ERC2: variants seen among roughly 807,000 people sequenced by gnomAD.
ERC2 encodes the protein ELKS/RAB6-interacting/CAST family member 2, also known as ERC protein 2.
In ERC2, 42 loss-of-function variants were observed where a neutral mutation model predicts 114.8. The observed-to-expected ratio is 0.37, with a 90% CI of 0.29 to 0.47. The LOEUF (loss-of-function observed/expected upper bound fraction) is 0.47, where lower values mean the gene tolerates loss of function less well. Ranked by LOEUF, ERC2 falls within the 20% of genes least tolerant of loss-of-function variation. The probability of loss-of-function intolerance (pLI) is 0.99; values close to 1 mark genes in which losing one functional copy is unlikely to be tolerated. For missense variants in ERC2, 939 were observed against 1,150.7 expected (o/e 0.82, Z 2.66); for synonymous variants, 454 against 425.5 (o/e 1.07, Z -0.82).
At chr3:56,216,859 T>C (rs1274954780) in intron 3 of ERC2, among the ~76,000 whole-genome samples, 1 of 152,190 alleles carries the variant, frequency 6.6e-6, no homozygotes, top group Non-Finnish European at 1.5e-5. Flanking sequence ...ATAAAAATAA[T>C]CCAGCATATA....
chr3:56,261,137 G>A (rs1006018968), intron 3 of ERC2, among the ~76,000 whole-genome samples: 6 of 152,124 alleles, frequency 3.9e-5, no homozygotes, highest in East Asian at 3.9e-4. Context: ...TGTCTTTAGC[G>A]GGTTCCCAGT....
intron 13 of ERC2, among the ~76,000 whole-genome samples, chr3:55,936,393 T>C (rs1354422458): frequency 6.6e-6 from 1 of 152,222 alleles, no homozygotes; most frequent in African/African-American, 2.4e-5. Flanking sequence ...GGAGGGATGA[T>C]GGACAAAGTG....
intron 17 of ERC2, among the ~76,000 whole-genome samples, chr3:55,576,557 T>A (rs114443066): frequency 0.015 from 2,230 of 152,326 alleles, 41 homozygotes; most frequent in African/African-American, 0.045. Flanking sequence ...GCCCTTAGCA[T>A]ATGTGTGCTG....
intron 15 of ERC2, among the ~76,000 whole-genome samples, chr3:55,725,967 T>C (rs1214266522): frequency 6.6e-6 from 1 of 152,172 alleles, no homozygotes; most frequent in African/African-American, 2.4e-5. Context: ...GCTTGGACAT[T>C]AAGAGGAAAT....
chr3:56,385,907 T>A (rs925930334), intron 2 of ERC2, among the ~76,000 whole-genome samples: 3 of 152,154 alleles, frequency 2.0e-5, no homozygotes, highest in African/African-American at 7.2e-5. Context: ...ATGGCCTGAA[T>A]TGCAGAGTAG....
intron 3 of ERC2, among the ~76,000 whole-genome samples, chr3:56,182,359 CA>C (rs1334929997): frequency 6.6e-6 from 1 of 152,186 alleles, no homozygotes; most frequent in African/African-American, 2.4e-5. Context: ...AGGCGCTCAA[CA>C]AACACTGATG....
At position 56,434,829 on chromosome 3, in the gene ERC2, C is replaced by A. The variant is rs1322768568; in HGVS notation, c.179G>T (p.Gly60Val). 1 of 1,613,862 alleles carries A rather than the reference C, an allele frequency of 6.2e-7. No homozygotes were observed. Among genetic ancestry groups the A allele is most frequent in the East Asian group, 2.2e-5 (1 of 44,866 alleles). The change falls in exon 2 of 18, where the codon GGA becomes GTA. Residue 60 changes from glycine to valine, a missense_variant. By Grantham distance (109) the Gly-to-Val change is moderately radical. Transcript: ENST00000288221. ...TTCATGATCACTCAGATACATGGGTCCAGACGTAGCATAGGCTGCATTGAG... is the reference window on the plus strand; with the variant it reads ...TTCATGATCACTCAGATACATGGGTACAGACGTAGCATAGGCTGCATTGAG... Reference protein sequence around the residue: ...QSLNAAYATSGPMYLSDHEGV... With the variant: ...QSLNAAYATSVPMYLSDHEGV...
intron 13 of ERC2, among the ~76,000 whole-genome samples, chr3:55,900,834 G>C (rs971491605): frequency 2.0e-5 from 3 of 152,192 alleles, no homozygotes; most frequent in Admixed American, 2.0e-4. Context: ...CTGTAGAAAG[G>C]TAATCATTAC....
chr3:56,206,142 A>C (rs2048713308), intron 3 of ERC2, among the ~76,000 whole-genome samples: 1 of 151,882 alleles, frequency 6.6e-6, no homozygotes, highest in Non-Finnish European at 1.5e-5. Flanking sequence ...GGGGTCAGGG[A>C]ATGTTTAGTA....
chr3:55,869,307 T>C (rs1212783661), intron 14 of ERC2, among the ~76,000 whole-genome samples: 2 of 152,104 alleles, frequency 1.3e-5, no homozygotes, highest in Non-Finnish European at 2.9e-5. Flanking sequence ...TCAAGGATGT[T>C]GTGGTAGAAG....
At chr3:55,638,158 A>T (rs1448812845) in intron 17 of ERC2, among the ~76,000 whole-genome samples, 1 of 152,158 alleles carries the variant, frequency 6.6e-6, no homozygotes, top group East Asian at 1.9e-4. Flanking sequence ...TTTCCCCCTG[A>T]CCATGTTCAT....
At position 56,278,675 on chromosome 3, in the gene ERC2, A is replaced by C. The variant is rs371581695; in HGVS notation, c.1074+17344T>G. Among the ~76,000 whole-genome samples the C allele has an allele frequency of 3.0e-4, 45 of 152,240 alleles. 1 individual carries two copies. Among genetic ancestry groups the C allele is most frequent in the Admixed American group, 1.5e-3 (23 of 15,288 alleles). On this transcript the variant is annotated intron_variant, in intron 3 of 17. Coordinates refer to ENST00000288221, the MANE Select transcript of ERC2 (RefSeq NM_015576.3). The stretch of plus-strand genomic sequence containing the variant: ...CTCACAGTTCTGCAGGCTGTAAAGA[A>C]GCCTGACACAGGCATCTGCTCAGCT...
intron 14 of ERC2, among the ~76,000 whole-genome samples, chr3:55,847,856 T>C (rs1414807553): frequency 6.6e-6 from 1 of 152,170 alleles, no homozygotes; most frequent in East Asian, 1.9e-4. Context: ...TGGAGTGCGG[T>C]GGTGCGATCA....
intron 2 of ERC2, among the ~76,000 whole-genome samples, chr3:56,336,377 A>G (rs2057848562): frequency 6.6e-6 from 1 of 152,248 alleles, no homozygotes; most frequent in African/African-American, 2.4e-5. Flanking sequence ...CTAATCACAC[A>G]GGACCTTGCT....
intron 15 of ERC2, among the ~76,000 whole-genome samples, chr3:55,714,471 G>T (rs1159342273): frequency 6.6e-6 from 1 of 151,796 alleles, no homozygotes; most frequent in South Asian, 2.1e-4. Context: ...TTCCTATAAT[G>T]AAATATTCAG....
intron 3 of ERC2, among the ~76,000 whole-genome samples, chr3:56,179,161 A>G (rs534315222): frequency 3.9e-5 from 6 of 152,318 alleles, no homozygotes; most frequent in Non-Finnish European, 1.5e-5. Context: ...TGCAGCCCAT[A>G]GACCACTGAC....
At chr3:55,522,148 A>T (rs1465516943) in intron 17 of ERC2, among the ~76,000 whole-genome samples, 2 of 152,150 alleles carry the variant, frequency 1.3e-5, no homozygotes, top group Non-Finnish European at 1.5e-5. Context: ...TTTCTAAGCA[A>T]CCACCAATTC....
intron 3 of ERC2, among the ~76,000 whole-genome samples, chr3:56,249,378 T>C: frequency 6.6e-6 from 1 of 152,000 alleles, no homozygotes; most frequent in Middle Eastern, 3.4e-3. Context: ...CAGGCTGGAG[T>C]GCAGTGGTGC....
At position 55,845,717 on chromosome 3, in the gene ERC2, T is replaced by A. The variant is rs113573709; in HGVS notation, c.2564+42672A>T. 5.0e-3 allele frequency among the ~76,000 whole-genome samples: 759 copies of A among 152,336 alleles called. 6 individuals carry two copies. Among genetic ancestry groups the A allele is most frequent in the African/African-American group, 0.017 (720 of 41,580 alleles). On this transcript the variant is annotated intron_variant, in intron 14 of 17. Transcript: ENST00000288221. ...GTCTGAATCTATAAGCCAGAGTCCA[T>A]TGGCGTATAATGAATGCCTGGAACA...
Sources: allele counts gnomAD v4.1 joint callset (sites outside exome capture counted in the v4.1 genomes callset), GRCh38; gene constraint gnomAD v4.1.1; transcripts MANE v1.5; gene names NCBI Gene and HGNC (gene_info 2026-07-23, HGNC 2026-07-21).